Variants in JMJD1C observed in about 807,000 individuals in gnomAD.
The protein encoded by JMJD1C is jumonji domain-containing protein 1C.
Under a neutral mutation model 245.3 loss-of-function variants are expected in JMJD1C, and 31 were observed. That is an observed-to-expected ratio of 0.13 (90% CI 0.09 to 0.17). The LOEUF (loss-of-function observed/expected upper bound fraction) is 0.17, where lower values mean the gene tolerates loss of function less well. Among genes scored for constraint, JMJD1C ranks in the 10% least tolerant of loss-of-function variants. The pLI is 1.00. For synonymous variants in JMJD1C, 1,057 were observed against 1,017.4 expected (o/e 1.04, Z -0.74); for missense variants, 2,691 against 3,000.2 (o/e 0.90, Z 2.41).
intron 2 of JMJD1C, among the ~76,000 whole-genome samples, chr10:63,266,215 T>C (rs1287186473): frequency 1.3e-5 from 2 of 152,132 alleles, no homozygotes; most frequent in African/African-American, 4.8e-5. Flanking sequence ...GTCACAGTAA[T>C]ATCCTCTCTC....
At chr10:63,374,854 G>A (rs1946596235) in intron 2 of JMJD1C, among the ~76,000 whole-genome samples, 1 of 152,168 alleles carries the variant, frequency 6.6e-6, no homozygotes, top group African/African-American at 2.4e-5. Flanking sequence ...ATGTTTAAAA[G>A]AAGGCAGAGA....
Position 63,245,814 on chromosome 10 carries a change from G to A in JMJD1C, c.447+18837C>T, listed in dbSNP as rs183794450. Among the ~76,000 whole-genome samples the A allele has an allele frequency of 9.9e-5, 15 of 152,168 alleles. No homozygotes were observed. In the South Asian group the frequency reaches 1.0e-3, roughly 11 times the overall value. ...CCTCTCTTTAAAGCCATCAGATCTC[G>A]TGAGACTTATTCACTATCACAAGAA... On this transcript the variant is annotated intron_variant, in intron 3 of 25. Transcript: ENST00000399262.
intron 2 of JMJD1C, among the ~76,000 whole-genome samples, chr10:63,308,331 C>G (rs2134029728): frequency 6.6e-6 from 1 of 152,208 alleles, no homozygotes; most frequent in Non-Finnish European, 1.5e-5. Context: ...TCTCAAAATT[C>G]TAGTATACTG....
At chr10:63,435,873 T>C (rs1349474381) in intron 1 of JMJD1C, among the ~76,000 whole-genome samples, 1 of 152,122 alleles carries the variant, frequency 6.6e-6, no homozygotes, top group Non-Finnish European at 1.5e-5. Context: ...CACTCCAACC[T>C]GGGAAACAGA....
At chr10:63,489,272 C>T (rs541532187) in intron 1 of JMJD1C, among the ~76,000 whole-genome samples, 7 of 152,046 alleles carry the variant, frequency 4.6e-5, no homozygotes, top group African/African-American at 1.2e-4. Flanking sequence ...TGGTGGCGGG[C>T]GCCTGTAATC....
At chr10:63,222,886 C>G in intron 3 of JMJD1C, 6 of 1,490,544 alleles carry the variant, frequency 4.0e-6, no homozygotes, top group Non-Finnish European at 5.6e-6. Flanking sequence ...CATTTCCTAC[C>G]AAAAAGAAGT....
chr10:63,407,584 C>A (rs1387699296), intron 1 of JMJD1C, among the ~76,000 whole-genome samples: 2 of 152,094 alleles, frequency 1.3e-5, no homozygotes, highest in African/African-American at 4.8e-5. Context: ...TTTAGTGTTA[C>A]TCTATTACAT....
chr10:63,360,236 G>A lies in JMJD1C; in HGVS notation c.333+20082C>T, dbSNP rs1438467105. Among the ~76,000 whole-genome samples, 7 of 152,004 alleles carry A rather than the reference G, an allele frequency of 4.6e-5. No homozygotes were observed. The South Asian group carries it at 6.2e-4, about 14-fold the overall frequency. On this transcript the variant is annotated intron_variant, in intron 2 of 25. Coordinates refer to ENST00000399262, the MANE Select transcript of JMJD1C (RefSeq NM_032776.3). ...CTCACCTCAGCCTCCCCAGTAGCCCGCTAAGTCACAGCTACTTGGGAGGCT... is the reference window on the plus strand; with the variant it reads ...CTCACCTCAGCCTCCCCAGTAGCCCACTAAGTCACAGCTACTTGGGAGGCT...
chr10:63,357,947 TA>T (rs11367621), intron 2 of JMJD1C, among the ~76,000 whole-genome samples: 140,167 of 144,262 alleles, frequency 0.97, 68,130 homozygotes, highest in South Asian at 1. Flanking sequence ...AAGAACTAAA[TA>T]AAAAAAAAAA....
At chr10:63,266,526 T>C (rs182117722) in intron 2 of JMJD1C, among the ~76,000 whole-genome samples, 1 of 152,306 alleles carries the variant, frequency 6.6e-6, no homozygotes, top group Admixed American at 6.5e-5. Flanking sequence ...TAAACAGGGA[T>C]ATTCGGCTGA....
At chr10:63,358,293 A>G (rs1035596141) in intron 2 of JMJD1C, among the ~76,000 whole-genome samples, 37 of 152,218 alleles carry the variant, frequency 2.4e-4, no homozygotes, top group Admixed American at 4.6e-4. Context: ...AACATCATAG[A>G]AATCCTGAGA....
Position 63,230,849 on chromosome 10 carries a change from G to A in JMJD1C, c.448-10866C>T, listed in dbSNP as rs535542425. Among the ~76,000 whole-genome samples the A allele has an allele frequency of 5.9e-5, 9 of 151,952 alleles. No individual in the cohort carries two copies. The East Asian group carries it at 1.5e-3, about 26-fold the overall frequency. ...ACAAAATTGTCTCCAAATGCTAGTG[G>A]GAGAAAGGAGGCTTTCTACCACACA... On this transcript the variant is annotated intron_variant, in intron 3 of 25. Transcript: ENST00000399262.
chr10:63,201,749 G>A (rs980686710), intron 10 of JMJD1C, among the ~76,000 whole-genome samples: 2 of 151,960 alleles, frequency 1.3e-5, no homozygotes, highest in Non-Finnish European at 2.9e-5. Flanking sequence ...GACCAACATG[G>A]TGAAATCCCG....
chr10:63,446,033 G>A (rs1460832176), intron 1 of JMJD1C, among the ~76,000 whole-genome samples: 1 of 151,588 alleles, frequency 6.6e-6, no homozygotes, highest in Non-Finnish European at 1.5e-5. Flanking sequence ...GTGCCACCAC[G>A]CCTAGCTAAT....
chr10:63,494,119 T>A (rs1395865744), intron 1 of JMJD1C, among the ~76,000 whole-genome samples: 1 of 152,160 alleles, frequency 6.6e-6, no homozygotes, highest in South Asian at 2.1e-4. Flanking sequence ...GAGACCAGCC[T>A]GACCAACACG....
intron 1 of JMJD1C, among the ~76,000 whole-genome samples, chr10:63,477,789 C>A (rs1174981847): frequency 6.6e-6 from 1 of 151,982 alleles, no homozygotes; most frequent in Non-Finnish European, 1.5e-5. Flanking sequence ...CTTCTGCTCT[C>A]CAAAGGTCAC....
intron 2 of JMJD1C, among the ~76,000 whole-genome samples, chr10:63,302,645 T>C (rs747062385): frequency 4.6e-5 from 7 of 152,246 alleles, no homozygotes; most frequent in South Asian, 4.1e-4. Flanking sequence ...AAAAATCTTA[T>C]GTCAGTATTT....
At chr10:63,373,160 T>G (rs1946444567) in intron 2 of JMJD1C, 1 of 164,998 alleles carries the variant, frequency 6.1e-6, no homozygotes, top group Non-Finnish European at 1.5e-5. Flanking sequence ...AACAATCTAT[T>G]AAGTAACTTA....
chr10:63,270,903 A>G (rs1412706625), intron 2 of JMJD1C, among the ~76,000 whole-genome samples: 2 of 152,188 alleles, frequency 1.3e-5, no homozygotes, highest in Non-Finnish European at 2.9e-5. Flanking sequence ...GGTTATGTCT[A>G]TTAATTTGTC....
Sources: allele counts gnomAD v4.1 joint callset (sites outside exome capture counted in the v4.1 genomes callset), GRCh38; gene constraint gnomAD v4.1.1; transcripts MANE v1.5; gene names NCBI Gene and HGNC (gene_info 2026-07-23, HGNC 2026-07-21).